The following PDE1C variants were observed in gnomAD, a reference collection of about 807,000 sequenced individuals.
PDE1C encodes dual specificity calcium/calmodulin-dependent 3',5'-cyclic nucleotide phosphodiesterase 1C.
PDE1C carries 62 observed loss-of-function variants against 93.1 expected under a neutral mutation model. That is an observed-to-expected ratio of 0.67 (90% CI 0.54 to 0.82). The LOEUF is 0.82. Among genes scored for constraint, PDE1C ranks in the 40% least tolerant of loss-of-function variants. PDE1C has a pLI of 0.00. For missense variants in PDE1C, 742 were observed against 884.6 expected (o/e 0.84, Z 2.04); for synonymous variants, 325 against 310.1 (o/e 1.05, Z -0.50).
chr7:31,694,219 G>A, the PDE1C span, among the ~76,000 whole-genome samples: 1 of 152,276 alleles, frequency 6.6e-6, no homozygotes, highest in East Asian at 1.9e-4. Context: ...ACTCAGGACT[G>A]GAGTTAATAC....
intron 16 of PDE1C, chr7:31,783,931 C>A (rs1203968840): frequency 6.6e-6 from 1 of 152,136 alleles, no homozygotes; most frequent in Non-Finnish European, 1.5e-5. Context: ...CAAAACAAGT[C>A]CATTATTACC....
chr7:31,854,395 G>A (rs1793738949), intron 7 of PDE1C, among the ~76,000 whole-genome samples: 1 of 152,140 alleles, frequency 6.6e-6, no homozygotes, highest in South Asian at 2.1e-4. Context: ...AGTCCCACTG[G>A]TATTTTATTC....
intron 2 of PDE1C, among the ~76,000 whole-genome samples, chr7:32,050,319 A>C (rs1793174367): frequency 6.6e-6 from 1 of 152,218 alleles, no homozygotes; most frequent in African/African-American, 2.4e-5. Context: ...CTGGACCTTT[A>C]GAATCCCAAC....
At chr7:32,383,767 C>G (rs1400111427) in intron 1 of PDE1C, among the ~76,000 whole-genome samples, 3 of 152,156 alleles carry the variant, frequency 2.0e-5, no homozygotes, top group African/African-American at 7.2e-5. Flanking sequence ...GACTTTTACT[C>G]AGTTTCTGAC....
intron 1 of PDE1C, among the ~76,000 whole-genome samples, chr7:32,334,105 A>T (rs1783565822): frequency 6.6e-6 from 1 of 152,216 alleles, no homozygotes; most frequent in Non-Finnish European, 1.5e-5. Flanking sequence ...AAGTCTCAAA[A>T]AGAAAATCAT....
chr7:32,203,930 T>G (rs894885303), intron 2 of PDE1C, among the ~76,000 whole-genome samples: 1 of 152,214 alleles, frequency 6.6e-6, no homozygotes, highest in East Asian at 1.9e-4. Flanking sequence ...ACAGTTTTTT[T>G]CTTTATTAAG....
At chr7:32,083,892 A>T (rs1796877980) in intron 3 of PDE1C, among the ~76,000 whole-genome samples, 1 of 152,110 alleles carries the variant, frequency 6.6e-6, no homozygotes, top group Admixed American at 6.5e-5. Flanking sequence ...AGCTGCTGCA[A>T]AATCATGCCA....
Position 31,776,990 on chromosome 7 carries a change from G to A in PDE1C, c.1892-1258C>T, listed in dbSNP as rs1224310598. ...ATAAAGATAACAAAAGAATCAGTTT[G>A]TGGGGTGGGGGGAGGGGGGAGGGAT... On this transcript the variant is annotated intron_variant, in intron 16 of 17. Coordinates refer to ENST00000396191, the MANE Select transcript of PDE1C (RefSeq NM_001191057.4). Among the ~76,000 whole-genome samples, 16 of 118,784 alleles carry A rather than the reference G, an allele frequency of 1.3e-4. No individual in the cohort carries two copies. The Admixed American group carries it at 1.5e-3, about 11-fold the overall frequency. The allele number at this position is 118,784 out of a possible 152,430, so 77.9% of individuals were successfully genotyped here.
chr7:32,048,335 C>T (rs1792876999), intron 2 of PDE1C, among the ~76,000 whole-genome samples: 1 of 152,080 alleles, frequency 6.6e-6, no homozygotes, highest in Non-Finnish European at 1.5e-5. Context: ...ATGCTGTGCT[C>T]ACTTCTGGAC....
chr7:32,209,607 C>G, intron 1 of PDE1C: 1 of 1,264,846 alleles, frequency 7.9e-7, no homozygotes, highest in Non-Finnish European at 1.1e-6. Flanking sequence ...TGCCCCAATA[C>G]AGCCAATCCC....
the PDE1C span, among the ~76,000 whole-genome samples, chr7:31,646,466 G>A: frequency 0.76 from 114,899 of 151,956 alleles, 43,579 homozygotes; most frequent in East Asian, 0.83. Context: ...GGCCCTGGGG[G>A]AAAAGGCACA....
intron 1 of PDE1C, among the ~76,000 whole-genome samples, chr7:32,226,110 TG>T (rs1238723972): frequency 6.6e-6 from 1 of 152,140 alleles, no homozygotes; most frequent in East Asian, 1.9e-4. Context: ...CAGAGGATTT[TG>T]ACGTCCATTG....
intron 2 of PDE1C, among the ~76,000 whole-genome samples, chr7:32,025,743 C>A (rs1471338169): frequency 6.6e-6 from 1 of 152,146 alleles, no homozygotes; most frequent in Non-Finnish European, 1.5e-5. Context: ...ACTGAGCGTC[C>A]ATGTCATGAA....
the PDE1C span, among the ~76,000 whole-genome samples, chr7:31,618,295 A>T: frequency 2.0e-5 from 3 of 152,176 alleles, no homozygotes; most frequent in South Asian, 4.1e-4. Flanking sequence ...CATAAAAAGT[A>T]ATTAGGACTG....
chr7:32,070,711 G>A (rs1013808794), upstream of PDE1C: 17 of 1,193,936 alleles, frequency 1.4e-5, 1 homozygote, highest in Admixed American at 5.9e-4. Flanking sequence ...AAAGCACCTC[G>A]GGTCTATTCG....
Position 31,966,560 on chromosome 7 carries a change from C to A in PDE1C, c.128+84994G>T, listed in dbSNP as rs1458766963. 6.6e-5 allele frequency among the ~76,000 whole-genome samples: 10 copies of A among 152,142 alleles called. No homozygotes were observed. In the South Asian group the frequency reaches 1.5e-3, roughly 22 times the overall value. On this transcript the variant is annotated intron_variant, in intron 2 of 17. Transcript: ENST00000396191. Reference sequence around the variant, plus strand: ...CATTAGACAGATCAATGAGACAGAACATTAACAAGGATACCCAGGAATTGA... The same window carrying A: ...CATTAGACAGATCAATGAGACAGAAAATTAACAAGGATACCCAGGAATTGA...
intron 2 of PDE1C, among the ~76,000 whole-genome samples, chr7:31,988,008 A>G (rs1783642708): frequency 1.3e-5 from 2 of 152,192 alleles, no homozygotes; most frequent in African/African-American, 2.4e-5. Context: ...TCAGCAGATC[A>G]GAAAGTAGAA....
At chr7:31,946,163 T>A (rs898934162) in intron 2 of PDE1C, among the ~76,000 whole-genome samples, 2 of 152,194 alleles carry the variant, frequency 1.3e-5, no homozygotes, top group Non-Finnish European at 2.9e-5. Flanking sequence ...GTGTAATATT[T>A]GAGTTTGGGT....
At chr7:31,668,162 A>C in the PDE1C span, among the ~76,000 whole-genome samples, 3 of 152,214 alleles carry the variant, frequency 2.0e-5, no homozygotes, top group Non-Finnish European at 4.4e-5. Context: ...TTATAAGTCC[A>C]AAAAGATATT....
Sources: gnomAD v4.1 joint callset for allele counts (sites outside exome capture counted in the v4.1 genomes callset) on GRCh38, gnomAD v4.1.1 for gene constraint, MANE v1.5 for transcripts, NCBI Gene and HGNC (gene_info 2026-07-23, HGNC 2026-07-21) for gene names.